The following ECE1 variants were observed in gnomAD, a reference collection of about 807,000 sequenced individuals.
ECE1 encodes the protein endothelin converting enzyme 1.
In ECE1, 35 loss-of-function variants were observed where a neutral mutation model predicts 98.6. The observed-to-expected ratio is 0.35, with a 90% CI of 0.27 to 0.47. The LOEUF (loss-of-function observed/expected upper bound fraction) is 0.47. Ranked by LOEUF, ECE1 falls within the 20% of genes least tolerant of loss-of-function variation. The probability of loss-of-function intolerance (pLI) is 1.00; values close to 1 mark genes in which losing one functional copy is unlikely to be tolerated. For missense variants in ECE1, 814 were observed against 1,025.3 expected (o/e 0.79, Z 2.81); for synonymous variants, 394 against 407.1 (o/e 0.97, Z 0.39).
At chr1:21,250,070 C>T (rs536644383) in intron 8 of ECE1, among the ~76,000 whole-genome samples, 6 of 152,122 alleles carry the variant, frequency 3.9e-5, no homozygotes, top group South Asian at 2.1e-4. Context: ...TAAGCCACCG[C>T]GTCTGGCCCC....
At chr1:21,296,111 C>T (rs1182543571) in intron 1 of ECE1, among the ~76,000 whole-genome samples, 1 of 152,162 alleles carries the variant, frequency 6.6e-6, no homozygotes, top group Non-Finnish European at 1.5e-5. Flanking sequence ...GTTCAGCCAA[C>T]ATTTGTTGTT....
At chr1:21,306,152 A>G (rs888125978) in intron 1 of ECE1, among the ~76,000 whole-genome samples, 15 of 152,210 alleles carry the variant, frequency 9.9e-5, no homozygotes, top group African/African-American at 3.6e-4. Context: ...CTATGTGCCA[A>G]AAAATGAGCT....
At chr1:21,297,996 G>A (rs924071512) in intron 1 of ECE1, 1 of 152,354 alleles carries the variant, frequency 6.6e-6, no homozygotes, top group African/African-American at 2.4e-5. Context: ...GTAGCACCAT[G>A]CCTAGCTAAT....
intron 14 of ECE1, among the ~76,000 whole-genome samples, chr1:21,228,812 A>G (rs2098177969): frequency 6.6e-6 from 1 of 150,740 alleles, no homozygotes; most frequent in South Asian, 2.1e-4. Flanking sequence ...AAGAAAAGAA[A>G]AAGATTTTGA....
chr1:21,302,259 C>A (rs969747604), intron 1 of ECE1, among the ~76,000 whole-genome samples: 1 of 152,216 alleles, frequency 6.6e-6, no homozygotes, highest in African/African-American at 2.4e-5. Flanking sequence ...CCACCTCCCC[C>A]TCTTCTGGCC....
Position 21,258,610 on chromosome 1 carries a change from C to A in ECE1, c.762+83G>T. 27 of 1,379,606 alleles carry A rather than the reference C, an allele frequency of 2.0e-5. No individual in the cohort carries two copies. The highest frequency in any genetic ancestry group is 2.3e-5 in the Non-Finnish European group (23 of 993,696). 85.5% of individuals were successfully genotyped at this position (1,379,606 alleles called of 1,614,324 possible). A position where few individuals can be genotyped will look rare whatever the true frequency, so the allele number is the denominator to read the frequency against. ...GCCGTCCCACCCAGGGCAAGCCCCT[C>A]TCCCACCCCAGGTCCTGCTAAACTC... On this transcript the variant is annotated intron_variant, in intron 6 of 18. Transcript: ENST00000374893. This position sits in a 1 kb window ranked among gnomAD's most constrained non-coding sequence, Gnocchi z 4.2.
chr1:21,267,021 C>T (rs911194297), intron 4 of ECE1: 1 of 152,168 alleles, frequency 6.6e-6, no homozygotes, highest in Non-Finnish European at 1.5e-5. Flanking sequence ...AGAGATGGGG[C>T]CTTTAGGTCA....
chr1:21,315,004 A>G (rs1638802605), intron 1 of ECE1, among the ~76,000 whole-genome samples: 1 of 152,170 alleles, frequency 6.6e-6, no homozygotes, highest in African/African-American at 2.4e-5. Context: ...ATCTGTATGT[A>G]TCTGTAGTGA....
At chr1:21,334,320 C>G (rs76113708) in intron 1 of ECE1, among the ~76,000 whole-genome samples, 1 of 152,240 alleles carries the variant, frequency 6.6e-6, no homozygotes, top group African/African-American at 2.4e-5. Context: ...GCCACCACAC[C>G]GGAAGCCCAA....
chr1:21,224,588 C>T (rs928393938), intron 17 of ECE1, among the ~76,000 whole-genome samples: 9 of 152,084 alleles, frequency 5.9e-5, no homozygotes, highest in African/African-American at 2.2e-4. Flanking sequence ...AATGACAGCT[C>T]TATGGATTTC....
chr1:21,259,899 C>T (rs1216809614), intron 5 of ECE1, among the ~76,000 whole-genome samples: 4 of 152,122 alleles, frequency 2.6e-5, no homozygotes, highest in South Asian at 2.1e-4. Context: ...ACACACCCCT[C>T]CACACACACA....
chr1:21,336,943 A>G (rs1384149920), intron 1 of ECE1, among the ~76,000 whole-genome samples: 1 of 152,176 alleles, frequency 6.6e-6, no homozygotes, highest in Non-Finnish European at 1.5e-5. Context: ...AGACAGGGGC[A>G]GGAGAATCGC....
intron 18 of ECE1, 46 bp downstream of exon 18, chr1:21,221,701 G>A (rs374462808): frequency 5.7e-6 from 9 of 1,592,264 alleles, no homozygotes; most frequent in Non-Finnish European, 5.2e-6. Context: ...GAAACATCAA[G>A]ATGGCAGAAT....
intron 2 of ECE1, among the ~76,000 whole-genome samples, chr1:21,283,518 G>A (rs1231980855): frequency 2.0e-5 from 3 of 152,164 alleles, no homozygotes; most frequent in South Asian, 2.1e-4. Flanking sequence ...TGATCTGCCC[G>A]CCTCAGCTTC....
At chr1:21,272,568 A>T in intron 4 of ECE1, 131 bp downstream of exon 4, 2 of 1,100,162 alleles carry the variant, frequency 1.8e-6, no homozygotes, top group South Asian at 2.7e-5. Context: ...CTGGGATTAC[A>T]GGTGTGAGCC....
intron 7 of ECE1, among the ~76,000 whole-genome samples, chr1:21,257,159 C>A (rs912469194): frequency 6.6e-6 from 1 of 152,186 alleles, no homozygotes; most frequent in Non-Finnish European, 1.5e-5. Flanking sequence ...CTGTAAAAGG[C>A]AAGACAAAAC....
At chr1:21,254,168 G>A (rs1191203047) in intron 8 of ECE1, among the ~76,000 whole-genome samples, 4 of 151,694 alleles carry the variant, frequency 2.6e-5, no homozygotes, top group Non-Finnish European at 4.4e-5. Context: ...GTGAGTGAAC[G>A]AGCCAAGCCC....
intron 1 of ECE1, among the ~76,000 whole-genome samples, chr1:21,337,522 A>G (rs115272290): frequency 6.6e-6 from 1 of 152,362 alleles, no homozygotes; most frequent in African/African-American, 2.4e-5. Context: ...ATATGCATAC[A>G]TTACTTAAGT....
chr1:21,245,849 T>C (rs2098202699), intron 9 of ECE1, among the ~76,000 whole-genome samples: 2 of 152,046 alleles, frequency 1.3e-5, no homozygotes, highest in African/African-American at 4.8e-5. Flanking sequence ...GTTATGATAA[T>C]GGGAAAAAAA....
Sources: gnomAD v4.1 joint callset for allele counts (sites outside exome capture counted in the v4.1 genomes callset) on GRCh38, gnomAD v4.1.1 for gene constraint, Gnocchi (gnomAD v3.1) non-coding constraint, MANE v1.5 for transcripts, NCBI Gene and HGNC (gene_info 2026-07-23, HGNC 2026-07-21) for gene names.